The following CSMD1 variants were observed in gnomAD, a reference collection of about 807,000 sequenced individuals.
The protein encoded by CSMD1 is CUB and Sushi multiple domains 1, also known as CUB and sushi domain-containing protein 1.
Under a neutral mutation model 417.5 loss-of-function variants are expected in CSMD1, and 213 were observed. The ratio of observed to expected loss-of-function variants is 0.51; its 90% CI spans 0.46 to 0.57. CSMD1 has a LOEUF of 0.57. CSMD1 is among the 20% of genes least tolerant of loss of function. CSMD1 has a pLI of 0.00. For missense variants in CSMD1, 6,923 were observed against 4,529.7 expected, an observed-to-expected ratio of 1.53 and a Z score of -15.17; for synonymous variants, 2,862 against 1,736.8, an observed-to-expected ratio of 1.65 and a Z score of -16.11.
chr8:4,348,126 AT>A (rs1164912937), intron 3 of CSMD1, among the ~76,000 whole-genome samples: 2 of 152,204 alleles, frequency 1.3e-5, no homozygotes, highest in African/African-American at 2.4e-5. Flanking sequence ...AGTTAGAAGT[AT>A]TAAAGAGAGA....
At chr8:4,095,624 G>A (rs972303393) in intron 3 of CSMD1, among the ~76,000 whole-genome samples, 2 of 152,190 alleles carry the variant, frequency 1.3e-5, no homozygotes, top group South Asian at 2.1e-4. Context: ...GCAGAGCTGC[G>A]TGTGTTATAG....
At position 4,635,096 on chromosome 8, in the gene CSMD1, A is replaced by G. The variant is rs546024513; in HGVS notation, c.302+2246T>C. Among the ~76,000 whole-genome samples, 504 of 152,284 alleles carry G rather than the reference A, an allele frequency of 3.3e-3. 1 individual carries two copies. Among genetic ancestry groups the G allele is most frequent in the African/African-American group, 0.012 (483 of 41,560 alleles). ...GTAGAAATATGACATATTTTTCTCT[A>G]TTTCAAACAAAAAATTGTCGGTAAC... On this transcript the variant is annotated intron_variant, in intron 2 of 69. Coordinates refer to ENST00000635120, the MANE Select transcript of CSMD1 (RefSeq NM_033225.6).
chr8:3,424,988 C>T (rs1206578911), intron 12 of CSMD1, among the ~76,000 whole-genome samples: 1 of 152,108 alleles, frequency 6.6e-6, no homozygotes, highest in Non-Finnish European at 1.5e-5. Context: ...GTACATGCCA[C>T]CACACCCAGA....
At chr8:2,948,803 A>C (rs1466554799) in intron 68 of CSMD1, among the ~76,000 whole-genome samples, 1 of 152,140 alleles carries the variant, frequency 6.6e-6, no homozygotes, top group Non-Finnish European at 1.5e-5. Flanking sequence ...ACATCCATCA[A>C]AATTAAACAT....
At chr8:4,969,819 T>C (rs1228230918) in intron 1 of CSMD1, among the ~76,000 whole-genome samples, 2 of 152,078 alleles carry the variant, frequency 1.3e-5, no homozygotes, top group African/African-American at 4.8e-5. Context: ...ATTGTTTTTC[T>C]CAGGCAGTAG....
intron 10 of CSMD1, among the ~76,000 whole-genome samples, chr8:3,510,183 G>T (rs4875728): frequency 0.068 from 10,182 of 149,706 alleles, 499 homozygotes; most frequent in Admixed American, 0.14. Flanking sequence ...GGCAAGTAGG[G>T]TGTGCTGTAC....
chr8:4,006,470 G>T (rs879441478), intron 4 of CSMD1, among the ~76,000 whole-genome samples: 2 of 152,122 alleles, frequency 1.3e-5, no homozygotes, highest in Admixed American at 1.3e-4. Context: ...CTTGAACTTG[G>T]GAGGCAGAGG....
At chr8:3,501,852 A>G (rs997764687) in intron 10 of CSMD1, among the ~76,000 whole-genome samples, 4 of 152,218 alleles carry the variant, frequency 2.6e-5, no homozygotes, top group Non-Finnish European at 4.4e-5. Flanking sequence ...CAATCATAAA[A>G]CAACTAAAAA....
chr8:4,634,478 G>C (rs966219847), intron 2 of CSMD1, among the ~76,000 whole-genome samples: 1 of 152,138 alleles, frequency 6.6e-6, no homozygotes, highest in Non-Finnish European at 1.5e-5. Context: ...TTCAGTTAAT[G>C]CACATTTTAA....
At chr8:3,235,432 T>C (rs1304578324) in intron 26 of CSMD1, among the ~76,000 whole-genome samples, 1 of 152,176 alleles carries the variant, frequency 6.6e-6, no homozygotes, top group African/African-American at 2.4e-5. Flanking sequence ...AAAAAATAAG[T>C]GCTCTGTTGA....
intron 2 of CSMD1, among the ~76,000 whole-genome samples, chr8:4,470,573 A>G (rs1340394335): frequency 1.3e-5 from 2 of 152,212 alleles, no homozygotes; most frequent in Non-Finnish European, 2.9e-5. Context: ...TGAATGTACA[A>G]CCAAATAATA....
At chr8:2,947,149 T>C (rs1206973928) in intron 68 of CSMD1, among the ~76,000 whole-genome samples, 2 of 152,248 alleles carry the variant, frequency 1.3e-5, no homozygotes, top group African/African-American at 4.8e-5. Flanking sequence ...ATTTTATGTA[T>C]TTTCTCTCAT....
chr8:4,737,580 C>A (rs1010940505), intron 1 of CSMD1, among the ~76,000 whole-genome samples: 1 of 152,118 alleles, frequency 6.6e-6, no homozygotes, highest in Non-Finnish European at 1.5e-5. Flanking sequence ...CCAGCAAAGA[C>A]TCACCTTCTT....
At chr8:4,038,691 T>C (rs529724839) in intron 3 of CSMD1, among the ~76,000 whole-genome samples, 5 of 152,200 alleles carry the variant, frequency 3.3e-5, no homozygotes, top group South Asian at 2.1e-4. Flanking sequence ...CTCCTTCCCA[T>C]AGATGCTTCA....
At chr8:4,262,935 C>G (rs1486599452) in intron 3 of CSMD1, among the ~76,000 whole-genome samples, 2 of 152,112 alleles carry the variant, frequency 1.3e-5, no homozygotes, top group African/African-American at 4.8e-5. Flanking sequence ...ACCATAAGAA[C>G]ATTAGTTCAG....
intron 3 of CSMD1, among the ~76,000 whole-genome samples, chr8:4,270,780 G>T (rs924423778): frequency 6.6e-6 from 1 of 152,106 alleles, no homozygotes; most frequent in Non-Finnish European, 1.5e-5. Flanking sequence ...ACCCCCCAGG[G>T]GGCTGTGGCT....
chr8:4,574,453 C>T (rs1304487899), intron 2 of CSMD1, among the ~76,000 whole-genome samples: 1 of 152,160 alleles, frequency 6.6e-6, no homozygotes, highest in Non-Finnish European at 1.5e-5. Flanking sequence ...GTGGGCTGCA[C>T]CTACTTTCTA....
At chr8:4,436,727 A>C (rs1276345674) in intron 2 of CSMD1, among the ~76,000 whole-genome samples, 4 of 152,060 alleles carry the variant, frequency 2.6e-5, no homozygotes, top group Non-Finnish European at 5.9e-5. Flanking sequence ...CCATGAGTTT[A>C]ATTGTTTTGA....
In CSMD1 at chr8:4,428,229, A is replaced by T. The variant is rs1251546233; in HGVS notation, c.303-8164T>A. Reference sequence around the variant, plus strand: ...CTGTGTCCACTGAACCACACATTCTAAACACAAGACAACTAGGAGACTATC... The same window carrying T: ...CTGTGTCCACTGAACCACACATTCTTAACACAAGACAACTAGGAGACTATC... On this transcript the variant is annotated intron_variant, in intron 2 of 69. Transcript: ENST00000635120. 2.0e-5 allele frequency among the ~76,000 whole-genome samples: 3 copies of T among 152,320 alleles called. No homozygotes were observed. The South Asian group carries it at 6.2e-4, about 32-fold the overall frequency.
Sources: gnomAD v4.1 joint callset for allele counts (sites outside exome capture counted in the v4.1 genomes callset) on GRCh38, gnomAD v4.1.1 for gene constraint, MANE v1.5 for transcripts, NCBI Gene and HGNC (gene_info 2026-07-23, HGNC 2026-07-21) for gene names.